Variants in PCDHGC4 observed in about 807,000 individuals in gnomAD.
PCDHGC4 encodes the protein protocadherin gamma-C4.
PCDHGC4 carries 15 observed loss-of-function variants against 59.7 expected under a neutral mutation model. The observed-to-expected ratio is 0.25, with a 90% CI of 0.17 to 0.39. The LOEUF is 0.39. PCDHGC4 is among the 10% of genes least tolerant of loss of function. PCDHGC4 has a pLI of 1.00. For synonymous variants in PCDHGC4, 434 were observed against 481.4 expected (o/e 0.90, Z 1.29); for missense variants, 1,016 against 1,189.5 (o/e 0.85, Z 2.15).
intron 1 of PCDHGC4, among the ~76,000 whole-genome samples, chr5:141,488,261 G>T (rs993627373): frequency 6.6e-6 from 1 of 152,148 alleles, no homozygotes; most frequent in Non-Finnish European, 1.5e-5. Flanking sequence ...GGTTGGGGCG[G>T]GTTGGTCATC....
chr5:141,487,127 A>T lies in PCDHGC4; in HGVS notation c.1954A>T (p.Ser652Cys). Reference protein sequence around the residue: ...KLVIVVKDSGSPPLSTSVTLL... With the variant: ...KLVIVVKDSGCPPLSTSVTLL... ...GGTCATTGTGGTAAAGGATAGTGGT[A>T]GTCCACCACTCTCTACCTCTGTTAC... The change falls in exon 1 of 4, where the codon AGT (serine) becomes TGT (cysteine). Residue 652 changes from serine to cysteine, a missense_variant. By Grantham distance (112) the Ser-to-Cys change is moderately radical. Coordinates refer to ENST00000306593, the MANE Select transcript of PCDHGC4 (RefSeq NM_018928.3). The surrounding 1 kb of genome is among the most constrained non-coding windows in gnomAD (Gnocchi z 5.0). 6.2e-7 allele frequency: 1 copy of T among 1,613,334 alleles called. No individual in the cohort carries two copies. Among genetic ancestry groups the T allele is most frequent in the Admixed American group, 1.7e-5 (1 of 60,026 alleles).
rs1481706003 is a variant in PCDHGC4, at chr5:141,491,416, G to A, written c.2443-3391G>A. On this transcript the variant is annotated intron_variant, in intron 1 of 3. Transcript: ENST00000306593. This position sits in a 1 kb window ranked among gnomAD's most constrained non-coding sequence, Gnocchi z 6.9. ...TCAGGGAAACGCAGACGGGGACGGG[G>A]GTGGAGGGCAGTGCTGCAGGCGCCA... 3 of 1,614,138 alleles carry A rather than the reference G, an allele frequency of 1.9e-6. No homozygotes were observed. The highest frequency in any genetic ancestry group is 2.2e-5 in the East Asian group (1 of 44,874).
Position 141,485,057 on chromosome 5 carries a change from C to A in PCDHGC4, c.-117C>A, listed in dbSNP as rs2099605934. ...GTAACCCTTGCGGCGCCGGCCGAACCGCGCCAGAGCTGGCGCGGGGAAAGG... is the reference window on the plus strand; with the variant it reads ...GTAACCCTTGCGGCGCCGGCCGAACAGCGCCAGAGCTGGCGCGGGGAAAGG... On this transcript the variant is annotated 5_prime_UTR_variant, in exon 1 of 4. Coordinates refer to ENST00000306593, the MANE Select transcript of PCDHGC4 (RefSeq NM_018928.3). The surrounding 1 kb of genome is among the most constrained non-coding windows in gnomAD (Gnocchi z 5.7). The A allele has an allele frequency of 2.4e-6, 2 of 843,718 alleles. No homozygotes were observed. Among genetic ancestry groups the A allele is most frequent in the South Asian group, 1.7e-5 (1 of 59,950 alleles). 52.3% of individuals were successfully genotyped at this position (843,718 alleles called of 1,614,324 possible).
At position 141,491,084 on chromosome 5, in the gene PCDHGC4, C is replaced by T; in HGVS notation, c.2442+3469C>T. On this transcript the variant is annotated intron_variant, in intron 1 of 3. Transcript: ENST00000306593. This position sits in a 1 kb window ranked among gnomAD's most constrained non-coding sequence, Gnocchi z 6.9. ...TACTCACTGTTGCCACAGTCCACAGCCCCAGGACTGTTCCTCGTGTCTACA... is the reference window on the plus strand; with the variant it reads ...TACTCACTGTTGCCACAGTCCACAGTCCCAGGACTGTTCCTCGTGTCTACA... The T allele has an allele frequency of 6.2e-7, 1 of 1,614,106 alleles. No homozygotes were observed. The highest frequency in any genetic ancestry group is 1.1e-5 in the South Asian group (1 of 91,082).
chr5:141,497,919 T>G (rs762168347), intron 2 of PCDHGC4, among the ~76,000 whole-genome samples: 11 of 152,206 alleles, frequency 7.2e-5, no homozygotes, highest in Non-Finnish European at 1.6e-4. Flanking sequence ...TCTCCTTCAT[T>G]CATTCAACAA....
Position 141,494,920 on chromosome 5 carries a change from G to A in PCDHGC4, c.2501+55G>A, listed in dbSNP as rs1329724849. The A allele has an allele frequency of 1.8e-5, 29 of 1,613,680 alleles. No individual in the cohort carries two copies. The East Asian group carries it at 6.5e-4, about 36-fold the overall frequency. On this transcript the variant is annotated intron_variant, in intron 2 of 3. Coordinates refer to ENST00000306593, the MANE Select transcript of PCDHGC4 (RefSeq NM_018928.3). ...TTCTCTGCGGCATTTTCTCAGGGAT[G>A]ACGTGGGAGGAGATGGGGGAGGGCC...
rs147534370 is a variant in PCDHGC4 at position 141,511,170 on chromosome 5, G to A, written c.2814G>A (p.Lys938=). ...AGAAGTCGGGCAAGAAGGAGAAGAA[G>A]TAACATGGAGGCCAGGCCAAGAGCC... ...NKKKSGKKEK[K] The change falls in exon 4 of 4, where the codon AAG becomes AAA. Residue 938 remains lysine (K), a synonymous_variant. Coordinates refer to ENST00000306593, the MANE Select transcript of PCDHGC4 (RefSeq NM_018928.3). 1.9e-6 allele frequency: 3 copies of A among 1,613,988 alleles called. No homozygotes were observed. The highest frequency in any genetic ancestry group is 2.5e-6 in the Non-Finnish European group (3 of 1,179,990).
chr5:141,492,303 G>A (rs969991314), intron 1 of PCDHGC4, among the ~76,000 whole-genome samples: 1 of 152,202 alleles, frequency 6.6e-6, no homozygotes, highest in African/African-American at 2.4e-5. Context: ...GCGGACGCAC[G>A]CACGCACTCC....
At position 141,511,410 on chromosome 5, in the gene PCDHGC4, T is replaced by A; in HGVS notation, c.*237T>A. The stretch of plus-strand genomic sequence containing the variant: ...GGAACCCCCATCCAATCAACTGCTG[T>A]ACCCATGGGGGTAGTGGGGTTACTG... On this transcript the variant is annotated 3_prime_UTR_variant, in exon 4 of 4. Coordinates refer to ENST00000306593, the MANE Select transcript of PCDHGC4 (RefSeq NM_018928.3). 1 of 908,820 alleles carries A rather than the reference T, an allele frequency of 1.1e-6. No individual in the cohort carries two copies. The highest frequency in any genetic ancestry group is 1.6e-6 in the Non-Finnish European group (1 of 624,202). 56.3% of individuals were successfully genotyped at this position (908,820 alleles called of 1,614,324 possible). A position where few individuals can be genotyped will look rare whatever the true frequency, so the allele number is the denominator to read the frequency against.
rs2099637746 is a variant in PCDHGC4, at chr5:141,486,980, A to G, written c.1807A>G (p.Asn603Asp). Reference sequence around the variant, plus strand: ...TGCTGTGGACTTGGATTCAGGTTACAATGCTTGGGTTTCCTATCAGCTCCT... The same window carrying G: ...TGCTGTGGACTTGGATTCAGGTTACGATGCTTGGGTTTCCTATCAGCTCCT... ...VTAVDLDSGY[N>D]AWVSYQLLEA... is the part of the protein sequence containing the mutation. Residue 603 changes from asparagine (N) to aspartate (D), a missense_variant, in exon 1 of 4, where the codon AAT (asparagine) becomes GAT (aspartate). Coordinates refer to ENST00000306593, the MANE Select transcript of PCDHGC4 (RefSeq NM_018928.3). This position sits in a 1 kb window ranked among gnomAD's most constrained non-coding sequence, Gnocchi z 5.0. The G allele has an allele frequency of 1.2e-6, 2 of 1,614,040 alleles. No individual in the cohort carries two copies. The highest frequency in any genetic ancestry group is 1.3e-5 in the African/African-American group (1 of 74,908).
chr5:141,500,498 C>T (rs1487770160), intron 2 of PCDHGC4, among the ~76,000 whole-genome samples: 5 of 152,120 alleles, frequency 3.3e-5, no homozygotes, highest in African/African-American at 7.2e-5. Context: ...CGTGAGCCAC[C>T]GCGCCTGGCC....
At position 141,489,049 on chromosome 5, in the gene PCDHGC4, T is replaced by G; in HGVS notation, c.2442+1434T>G. 2.1e-6 allele frequency: 1 copy of G among 477,660 alleles called. No homozygotes were observed. Among genetic ancestry groups the G allele is most frequent in the Non-Finnish European group, 3.7e-6 (1 of 272,910 alleles). 29.6% of individuals were successfully genotyped at this position (477,660 alleles called of 1,614,324 possible). On this transcript the variant is annotated intron_variant, in intron 1 of 3. Transcript: ENST00000306593. The surrounding 1 kb of genome is among the most constrained non-coding windows in gnomAD (Gnocchi z 4.5). ...CTCCAGCTCCCCAGCTCCACTCAAA[T>G]TCAGCTCCCCTCCCCCCTGCCCACC... is the stretch of plus-strand genomic sequence containing the variant.
chr5:141,491,714 C>A lies in PCDHGC4; in HGVS notation c.2443-3093C>A, dbSNP rs1321811999. On this transcript the variant is annotated intron_variant, in intron 1 of 3. Transcript: ENST00000306593. The surrounding 1 kb of genome is among the most constrained non-coding windows in gnomAD (Gnocchi z 6.9). ...GAGCGGAGCCAGGTGAGGGGCTCGG[C>A]GCCGCCCCGGGCGACCCCTGGGGGC... 2 of 1,608,742 alleles carry A rather than the reference C, an allele frequency of 1.2e-6. No individual in the cohort carries two copies. The highest frequency in any genetic ancestry group is 1.7e-6 in the Non-Finnish European group (2 of 1,177,914).
chr5:141,496,663 G>A (rs2099770279), intron 2 of PCDHGC4, among the ~76,000 whole-genome samples: 1 of 152,196 alleles, frequency 6.6e-6, no homozygotes, highest in Admixed American at 6.5e-5. Context: ...GACCCCAGCT[G>A]TTGTCCTTCT....
chr5:141,486,163 G>A lies in PCDHGC4; in HGVS notation c.990G>A (p.Met330Ile). 2.5e-6 allele frequency: 4 copies of A among 1,614,212 alleles called. No individual in the cohort carries two copies. Among genetic ancestry groups the A allele is most frequent in the Non-Finnish European group, 3.4e-6 (4 of 1,180,034 alleles). ...VRARDGGSPA[M>I]EQHCSLRVDL... The stretch of plus-strand genomic sequence containing the variant: ...CTCGCGATGGGGGTTCTCCAGCCAT[G>A]GAGCAACATTGCAGCCTTCGAGTGG... The change falls in exon 1 of 4, where the codon ATG becomes ATA. Residue 330 changes from methionine to isoleucine, a missense_variant. Physicochemically the swap from Met to Ile is conservative, Grantham distance 10. Transcript: ENST00000306593. This position sits in a 1 kb window ranked among gnomAD's most constrained non-coding sequence, Gnocchi z 5.0.
chr5:141,495,918 T>C (rs2099764622), intron 2 of PCDHGC4, among the ~76,000 whole-genome samples: 1 of 152,184 alleles, frequency 6.6e-6, no homozygotes, highest in African/African-American at 2.4e-5. Flanking sequence ...ATATCTTTCT[T>C]TGTCTCTGTC....
chr5:141,505,443 C>A lies in PCDHGC4; in HGVS notation c.2552C>A (p.Thr851Lys). ...TGTWPNNQFD[T>K]EMLQAMILAS... ...ACCTGGCCCAACAACCAGTTTGACA[C>A]AGAGATGCTGCAAGCCATGATCTTG... Residue 851 changes from threonine to lysine, a missense_variant, in exon 3 of 4, where the codon ACA becomes AAA. Physicochemically the swap from Thr to Lys is moderately conservative, Grantham distance 78. Transcript: ENST00000306593. 2 of 1,614,224 alleles carry A rather than the reference C, an allele frequency of 1.2e-6. No homozygotes were observed. Among genetic ancestry groups the A allele is most frequent in the Non-Finnish European group, 8.5e-7 (1 of 1,180,042 alleles).
At chr5:141,505,241 T>C in intron 2 of PCDHGC4, 152 bp from the exon 3 acceptor site, 3 of 1,396,292 alleles carry the variant, frequency 2.1e-6, no homozygotes, top group South Asian at 1.4e-5. Flanking sequence ...TTCTGAAGGA[T>C]TGTAGAAGTG....
At chr5:141,494,902 C>A (rs2099757367) in intron 2 of PCDHGC4, 37 bp downstream of exon 2, 1 of 1,614,024 alleles carries the variant, frequency 6.2e-7, no homozygotes, top group East Asian at 2.2e-5. Context: ...CTCTTCTCTG[C>A]GGCATTTTCT....
Sources: allele counts gnomAD v4.1 joint callset (sites outside exome capture counted in the v4.1 genomes callset), GRCh38; gene constraint gnomAD v4.1.1; non-coding constraint Gnocchi (gnomAD v3.1); transcripts MANE v1.5; gene names NCBI Gene and HGNC (gene_info 2026-07-23, HGNC 2026-07-21).